RYK: variants seen among roughly 807,000 people sequenced by gnomAD.
RYK encodes receptor like tyrosine kinase, also known as inactive tyrosine-protein kinase RYK.
In RYK, 21 loss-of-function variants were observed where a neutral mutation model predicts 70.2. The observed-to-expected ratio is 0.30, with a 90% confidence interval of 0.21 to 0.43. RYK has a LOEUF of 0.43. RYK is among the 20% of genes least tolerant of loss of function. The pLI is 1.00. For synonymous variants in RYK, 267 were observed against 278.0 expected (o/e 0.96, Z 0.39); for missense variants, 604 against 753.3 (o/e 0.80, Z 2.32).
chr3:134,177,953 G>C lies in RYK; in HGVS notation c.1293C>G (p.Ala431=). 1 of 1,610,296 alleles carries C rather than the reference G, an allele frequency of 6.2e-7. No homozygotes were observed. Among genetic ancestry groups the C allele is most frequent in the Non-Finnish European group, 8.5e-7 (1 of 1,178,814 alleles). The change falls in exon 11 of 15, where the codon GCC becomes GCG. Residue 431 remains alanine, a synonymous_variant. Coordinates refer to ENST00000623711, the MANE Select transcript of RYK (RefSeq NM_002958.4). The part of the protein sequence containing the change: ...LFLRQCKLVE[A]NNPQAISQQD... ...AAATTTTTCTCACCTGTGGATTATT[G>C]GCCTCTACTAACTTGCACTGTCGTA...
chr3:134,204,491 T>C (rs1249986911), intron 5 of RYK, among the ~76,000 whole-genome samples: 1 of 151,244 alleles, frequency 6.6e-6, no homozygotes, highest in Non-Finnish European at 1.5e-5. Context: ...AAAGCAAGAC[T>C]CCGTCTCAAA....
At chr3:134,222,318 G>T in intron 2 of RYK, 100 bp downstream of exon 2, 2 of 1,193,136 alleles carry the variant, frequency 1.7e-6, no homozygotes, top group Non-Finnish European at 2.5e-6. Context: ...CATCACCAGC[G>T]GACCCTTCAG....
intron 13 of RYK, among the ~76,000 whole-genome samples, chr3:134,168,643 A>C: frequency 6.9e-6 from 1 of 144,708 alleles, no homozygotes; most frequent in Non-Finnish European, 1.5e-5. Context: ...TGGGGGAGGG[A>C]TAGCATTAGG....
At chr3:134,213,836 C>A (rs1461935899) in intron 2 of RYK, among the ~76,000 whole-genome samples, 3 of 152,158 alleles carry the variant, frequency 2.0e-5, no homozygotes, top group African/African-American at 7.2e-5. Context: ...CCGAGTCTCA[C>A]TCTGTCACCC....
chr3:134,162,443 C>T (rs1182620694), intron 13 of RYK, among the ~76,000 whole-genome samples: 2 of 151,908 alleles, frequency 1.3e-5, no homozygotes, highest in African/African-American at 4.8e-5. Flanking sequence ...CAAAGTCCAG[C>T]CTTGAAGTCT....
intron 6 of RYK, among the ~76,000 whole-genome samples, chr3:134,202,164 G>A (rs1262644696): frequency 3.3e-5 from 5 of 152,126 alleles, no homozygotes; most frequent in Non-Finnish European, 7.4e-5. Flanking sequence ...ATCTCAAACT[G>A]GCTGTACATT....
intron 3 of RYK, 103 bp downstream of exon 3, chr3:134,211,405 T>G (rs1475925760): frequency 1.5e-6 from 1 of 660,496 alleles, no homozygotes; most frequent in Non-Finnish European, 2.6e-6. Context: ...ATCTTATGCC[T>G]ATCAAGTAAT....
At chr3:134,250,366 C>G in intron 1 of RYK, 57 bp downstream of exon 1, 2 of 1,157,722 alleles carry the variant, frequency 1.7e-6, no homozygotes, top group Non-Finnish European at 2.2e-6. Context: ...CGCCGGCGGC[C>G]GGAAGCTGCC....
chr3:134,201,521 G>A (rs969163803), intron 6 of RYK, among the ~76,000 whole-genome samples: 11 of 150,472 alleles, frequency 7.3e-5, no homozygotes, highest in Non-Finnish European at 1.5e-4. Context: ...TAACTGCTAC[G>A]AGAGAGAGAG....
At position 134,235,702 on chromosome 3, in the gene RYK, C is replaced by G. The variant is rs73861347; in HGVS notation, c.233-13163G>C. ...TACGACAACAGCAATCAAATGCAGT[C>G]TGAAAGCAGGGACAGTGGACAGCAG... On this transcript the variant is annotated intron_variant, in intron 1 of 14. Coordinates refer to ENST00000623711, the MANE Select transcript of RYK (RefSeq NM_002958.4). Among the ~76,000 whole-genome samples, 523 of 152,192 alleles carry G rather than the reference C, an allele frequency of 3.4e-3. 2 individuals carry two copies. The highest frequency in any genetic ancestry group is 0.012 in the African/African-American group (504 of 41,504).
chr3:134,221,364 C>G (rs531448556), intron 2 of RYK, among the ~76,000 whole-genome samples: 1 of 151,648 alleles, frequency 6.6e-6, no homozygotes, highest in East Asian at 1.9e-4. Flanking sequence ...GCCACCACAC[C>G]TCGCTAATTT....
At chr3:134,219,119 T>C (rs1279797305) in intron 2 of RYK, among the ~76,000 whole-genome samples, 4 of 152,190 alleles carry the variant, frequency 2.6e-5, no homozygotes, top group African/African-American at 9.7e-5. Context: ...ATGTGAATGA[T>C]ATGGGAGTAC....
chr3:134,228,179 T>C (rs368137289), intron 1 of RYK, among the ~76,000 whole-genome samples: 19 of 152,232 alleles, frequency 1.2e-4, no homozygotes, highest in African/African-American at 3.6e-4. Flanking sequence ...TAGTCCTCAC[T>C]ACTTGGGTGG....
rs963511315 is a variant in RYK, at chr3:134,175,755, G to C, written c.1429C>G (p.Leu477Val). 2 of 1,613,752 alleles carry C rather than the reference G, an allele frequency of 1.2e-6. No homozygotes were observed. Among genetic ancestry groups the C allele is most frequent in the Non-Finnish European group, 1.7e-6 (2 of 1,179,820 alleles). The part of the protein sequence containing the change: ...AARNCVIDDT[L>V]QVKITDNALS... ...GCATTGTCTGTGATCTTAACTTGAA[G>C]TGTGTCATCAATGCTGAAAAGTAAA... The change falls in exon 13 of 15, where the codon CTT becomes GTT. Residue 477 changes from leucine (L) to valine (V), a missense_variant. Leu to Val is a conservative substitution (Grantham distance 32). Coordinates refer to ENST00000623711, the MANE Select transcript of RYK (RefSeq NM_002958.4).
chr3:134,211,488 C>G lies in RYK; in HGVS notation c.454+20G>C. ...AGTTGAAAAAGTATGTTAACTCTGT[C>G]TTTGAAGACTCTTACTTACCTGATA... On this transcript the variant is annotated intron_variant, in intron 3 of 14. Coordinates refer to ENST00000623711, the MANE Select transcript of RYK (RefSeq NM_002958.4). 6.4e-7 allele frequency: 1 copy of G among 1,565,908 alleles called. No individual in the cohort carries two copies. Among genetic ancestry groups the G allele is most frequent in the Non-Finnish European group, 8.8e-7 (1 of 1,141,238 alleles).
At chr3:134,228,168 G>C (rs2014959464) in intron 1 of RYK, among the ~76,000 whole-genome samples, 1 of 152,174 alleles carries the variant, frequency 6.6e-6, no homozygotes, top group Non-Finnish European at 1.5e-5. Context: ...GTGTATGCCT[G>C]TAGTCCTCAC....
At chr3:134,236,264 C>T (rs915122433) in intron 1 of RYK, among the ~76,000 whole-genome samples, 2 of 151,926 alleles carry the variant, frequency 1.3e-5, no homozygotes, top group African/African-American at 4.8e-5. Flanking sequence ...GCAAAACAAT[C>T]CAAGTAGGAA....
intron 13 of RYK, among the ~76,000 whole-genome samples, chr3:134,162,413 C>A (rs2012509663): frequency 6.6e-6 from 1 of 151,920 alleles, no homozygotes; most frequent in African/African-American, 2.4e-5. Flanking sequence ...TTTTCATTAA[C>A]AGTGATCATT....
intron 14 of RYK, among the ~76,000 whole-genome samples, chr3:134,158,734 C>T (rs1468054715): frequency 1.3e-5 from 2 of 152,140 alleles, no homozygotes; most frequent in Non-Finnish European, 1.5e-5. Context: ...TGCATAGCCT[C>T]CTGTTTATCC....
Sources: allele counts gnomAD v4.1 joint callset (sites outside exome capture counted in the v4.1 genomes callset), GRCh38; gene constraint gnomAD v4.1.1; transcripts MANE v1.5; gene names NCBI Gene and HGNC (gene_info 2026-07-23, HGNC 2026-07-21).